The following APPL1 variants were observed in gnomAD, a reference collection of about 807,000 sequenced individuals.
The protein encoded by APPL1 is DCC-interacting protein 13-alpha.
Under a neutral mutation model 106.8 loss-of-function variants are expected in APPL1, and 42 were observed. The observed-to-expected ratio is 0.39, with a 90% CI of 0.31 to 0.51. The LOEUF (loss-of-function observed/expected upper bound fraction) is 0.51, where lower values mean the gene tolerates loss of function less well. APPL1 is among the 20% of genes least tolerant of loss of function. The pLI is 0.75. For synonymous variants in APPL1, 263 were observed against 281.8 expected (o/e 0.93, Z 0.67); for missense variants, 769 against 858.2 (o/e 0.90, Z 1.30).
chr3:57,232,878 T>A (rs575125012), intron 1 of APPL1, among the ~76,000 whole-genome samples: 19 of 152,094 alleles, frequency 1.2e-4, no homozygotes, highest in South Asian at 6.2e-4. Flanking sequence ...GGCTGGCACC[T>A]GTAGTCCCAG....
At chr3:57,262,765 T>C (rs1383191699) in intron 19 of APPL1, among the ~76,000 whole-genome samples, 3 of 151,532 alleles carry the variant, frequency 2.0e-5, no homozygotes, top group Non-Finnish European at 1.5e-5. Flanking sequence ...AGAGCTAAAA[T>C]GGTGAAAGTA....
At chr3:57,247,319 T>G in intron 8 of APPL1, 76 bp from the exon 9 acceptor site, 3 of 792,956 alleles carry the variant, frequency 3.8e-6, no homozygotes, top group Non-Finnish European at 6.3e-6. Flanking sequence ...TCTTAGAGAT[T>G]GTTTATATGA....
intron 1 of APPL1, among the ~76,000 whole-genome samples, chr3:57,232,941 G>T (rs1487577643): frequency 6.6e-6 from 1 of 152,124 alleles, no homozygotes. Context: ...GGCGGAGCGT[G>T]CAGTGAGCCA....
At chr3:57,259,460 T>TTGTGTG (rs150421675) in intron 16 of APPL1, among the ~76,000 whole-genome samples, 4 of 149,914 alleles carry the variant, frequency 2.7e-5, no homozygotes, top group Non-Finnish European at 4.5e-5. Context: ...TGTTGTGTGT[T>TTGTGTG]TGTGTGTGTG....
At chr3:57,235,863 T>A (rs1485342537) in intron 2 of APPL1, among the ~76,000 whole-genome samples, 199 bp downstream of exon 2, 2 of 152,188 alleles carry the variant, frequency 1.3e-5, no homozygotes, top group Non-Finnish European at 2.9e-5. Context: ...TTTGTAGTAC[T>A]ACAAAAGTGA....
Position 57,242,934 on chromosome 3 carries a change from C to A in APPL1, c.474+20C>A. The A allele has an allele frequency of 6.3e-7, 1 of 1,578,880 alleles. No homozygotes were observed. Among genetic ancestry groups the A allele is most frequent in the Non-Finnish European group, 8.7e-7 (1 of 1,150,836 alleles). On this transcript the variant is annotated intron_variant, in intron 7 of 21. Transcript: ENST00000288266. Reference sequence around the variant, plus strand: ...GACAAGGTGTGGTACATATTTATTCCTTCAGTGTCATAATTAACTATTCAT... The same window carrying A: ...GACAAGGTGTGGTACATATTTATTCATTCAGTGTCATAATTAACTATTCAT...
chr3:57,250,728 A>G (rs2060798927), intron 11 of APPL1, among the ~76,000 whole-genome samples: 1 of 151,920 alleles, frequency 6.6e-6, no homozygotes. Context: ...CATTTTCCTA[A>G]TGATAGATGT....
In APPL1 at chr3:57,249,407, C is replaced by T. The variant is rs746445160; in HGVS notation, c.911C>T (p.Thr304Met). Reference sequence around the variant, plus strand: ...ACCTGGGACAGACAGTTTTACTTCACGCAGGGTGGAAATTTAATGAGTCAG... The same window carrying T: ...ACCTGGGACAGACAGTTTTACTTCATGCAGGGTGGAAATTTAATGAGTCAG... ...SSTWDRQFYF[T>M]QGGNLMSQAR... The change falls in exon 11 of 22, where the codon ACG becomes ATG. Residue 304 changes from threonine to methionine, a missense_variant. Thr to Met is a moderately conservative substitution (Grantham distance 81). Transcript: ENST00000288266. 6.2e-6 allele frequency: 10 copies of T among 1,613,982 alleles called. No homozygotes were observed. Among genetic ancestry groups the T allele is most frequent in the Admixed American group, 1.7e-5 (1 of 59,990 alleles).
chr3:57,247,940 A>G (rs1324113675), intron 9 of APPL1, among the ~76,000 whole-genome samples: 1 of 152,226 alleles, frequency 6.6e-6, no homozygotes, highest in Non-Finnish European at 1.5e-5. Context: ...AGGGCAGAAC[A>G]GTTTGAAAAT....
intron 7 of APPL1, among the ~76,000 whole-genome samples, chr3:57,245,547 A>ATTTTTTTTTTTTTTTTTTT (rs749542390): frequency 7.0e-6 from 1 of 143,782 alleles, no homozygotes; most frequent in African/African-American, 2.5e-5. Flanking sequence ...TTCAATATGC[A>ATTTTTTTTTTTTTTTTTTT]GTTTTTTTTT....
intron 12 of APPL1, among the ~76,000 whole-genome samples, chr3:57,252,751 G>C (rs1020944976): frequency 1.3e-5 from 2 of 152,090 alleles, no homozygotes; most frequent in Non-Finnish European, 2.9e-5. Context: ...ACAAAAATTT[G>C]GGAGTCTCTG....
intron 15 of APPL1, 125 bp downstream of exon 15, chr3:57,257,553 T>C (rs939400593): frequency 1.2e-6 from 1 of 804,396 alleles, no homozygotes; most frequent in Non-Finnish European, 1.8e-6. Context: ...TTTGTTTAAT[T>C]ATGTAACATA....
Position 57,272,660 on chromosome 3 carries a change from T to C in APPL1, c.*2973T>C, listed in dbSNP as rs2060950739. Reference sequence around the variant, plus strand: ...TGTTGCCCAGGCTGGAGTGCAGTGGTGTGATCTTGGGTCACTGCAAACTCC... The same window carrying C: ...TGTTGCCCAGGCTGGAGTGCAGTGGCGTGATCTTGGGTCACTGCAAACTCC... On this transcript the variant is annotated 3_prime_UTR_variant, in exon 22 of 22. Transcript: ENST00000288266. 1 of 152,226 alleles carries C rather than the reference T, an allele frequency of 6.6e-6. No individual in the cohort carries two copies. Among genetic ancestry groups the C allele is most frequent in the African/African-American group, 2.4e-5 (1 of 41,428 alleles). The allele number at this position is 152,226 out of a possible 1,614,324, so 9.4% of individuals were successfully genotyped here.
chr3:57,249,497 A>G lies in APPL1; in HGVS notation c.1001A>G (p.Asp334Gly). ...GACAACTGTTCAGTGATGGCTGTGGACTGTGAAGACAGACGATATTGTTTT... is the reference window on the plus strand; with the variant it reads ...GACAACTGTTCAGTGATGGCTGTGGGCTGTGAAGACAGACGATATTGTTTT... ...DIDNCSVMAV[D>G]CEDRRYCFQI... Residue 334 changes from aspartate (D) to glycine (G), a missense_variant, in exon 11 of 22, where the codon GAC becomes GGC. Physicochemically the swap from Asp to Gly is moderately conservative, Grantham distance 94. Transcript: ENST00000288266. 6.2e-7 allele frequency: 1 copy of G among 1,605,544 alleles called. No individual in the cohort carries two copies. Among genetic ancestry groups the G allele is most frequent in the Non-Finnish European group, 8.5e-7 (1 of 1,177,838 alleles).
chr3:57,266,196 A>G (rs544797466), intron 19 of APPL1, among the ~76,000 whole-genome samples: 4 of 152,258 alleles, frequency 2.6e-5, no homozygotes, highest in South Asian at 4.1e-4. Flanking sequence ...GTATCAGGTA[A>G]TACTGGCCTC....
chr3:57,242,462 C>G (rs1199261343), intron 6 of APPL1, among the ~76,000 whole-genome samples: 1 of 151,978 alleles, frequency 6.6e-6, no homozygotes, highest in African/African-American at 2.4e-5. Flanking sequence ...GATACAGGGT[C>G]TTGCTCTGTT....
intron 10 of APPL1, 77 bp from the exon 11 acceptor site, chr3:57,249,282 TG>T: frequency 6.8e-7 from 1 of 1,480,636 alleles, no homozygotes; most frequent in Admixed American, 1.8e-5. Context: ...CATTGTAACA[TG>T]CTTTATCTTG....
At chr3:57,267,873 C>G in intron 20 of APPL1, 81 bp downstream of exon 20, 1 of 1,451,748 alleles carries the variant, frequency 6.9e-7, no homozygotes, top group Non-Finnish European at 9.6e-7. Flanking sequence ...GGGCAGATGA[C>G]TTGAGGTCAG....
rs758040319 is a variant in APPL1 at position 57,267,862 on chromosome 3, C to T, written c.1893+70C>T. Reference sequence around the variant, plus strand: ...ATCGCAGCACATTGGGAGGCCGAGGCGGGCAGATGACTTGAGGTCAGGAGT... The same window carrying T: ...ATCGCAGCACATTGGGAGGCCGAGGTGGGCAGATGACTTGAGGTCAGGAGT... On this transcript the variant is annotated intron_variant, in intron 20 of 21. Transcript: ENST00000288266. The T allele has an allele frequency of 8.4e-5, 127 of 1,514,704 alleles. 1 individual carries two copies. Among genetic ancestry groups the T allele is most frequent in the South Asian group, 2.8e-4 (25 of 88,748 alleles). The allele number at this position is 1,514,704 out of a possible 1,614,324, so 93.8% of individuals were successfully genotyped here. A position where few individuals can be genotyped will look rare whatever the true frequency, so the allele number is the denominator to read the frequency against.
Sources: gnomAD v4.1 joint callset for allele counts (sites outside exome capture counted in the v4.1 genomes callset) on GRCh38, gnomAD v4.1.1 for gene constraint, MANE v1.5 for transcripts, NCBI Gene and HGNC (gene_info 2026-07-23, HGNC 2026-07-21) for gene names.